CARMIL1: variants seen among roughly 807,000 people sequenced by gnomAD.
The protein encoded by CARMIL1 is F-actin-uncapping protein LRRC16A.
CARMIL1 carries 90 observed loss-of-function variants against 177.1 expected under a neutral mutation model. The observed-to-expected ratio is 0.51, with a 90% CI of 0.43 to 0.61. The LOEUF is 0.61. CARMIL1 is among the 20% of genes least tolerant of loss of function. The pLI is 0.00. For missense variants in CARMIL1, 1,380 were observed against 1,667.0 expected (o/e 0.83, Z 3.00); for synonymous variants, 577 against 606.2 (o/e 0.95, Z 0.71).
chr6:25,451,986 G>GCCACC, intron 8 of CARMIL1: 2 of 112,672 alleles, frequency 1.8e-5, no homozygotes, highest in Non-Finnish European at 3.5e-5. Flanking sequence ...CTAGCATCTT[G>GCCACC]CCCCCCCCTC....
At chr6:25,497,720 C>T (rs1803878002) in intron 16 of CARMIL1, among the ~76,000 whole-genome samples, 1 of 152,146 alleles carries the variant, frequency 6.6e-6, no homozygotes, top group African/African-American at 2.4e-5. Context: ...TAAACGAAAG[C>T]AACACAATTT....
rs947005035 is a variant in CARMIL1 at position 25,577,017 on chromosome 6, C to A, written c.2743-3907C>A. ...GTGTAAGTATTTTTTGGTGGCTCTG[C>A]GGTTTCTGGCTGTACTACTTTATAT... On this transcript the variant is annotated intron_variant, in intron 29 of 36. Coordinates refer to ENST00000329474, the MANE Select transcript of CARMIL1 (RefSeq NM_017640.6). The surrounding 1 kb of genome is among the most constrained non-coding windows in gnomAD (Gnocchi z 4.5). The A allele has an allele frequency of 1.0e-6, 1 of 985,164 alleles. No homozygotes were observed. The highest frequency in any genetic ancestry group is 1.2e-6 in the Non-Finnish European group (1 of 829,830). The allele number at this position is 985,164 out of a possible 1,614,324, so 61.0% of individuals were successfully genotyped here. A position where few individuals can be genotyped will look rare whatever the true frequency, so the allele number is the denominator to read the frequency against.
intron 23 of CARMIL1, among the ~76,000 whole-genome samples, chr6:25,521,290 G>C (rs1246526427): frequency 6.6e-6 from 1 of 152,092 alleles, no homozygotes; most frequent in Non-Finnish European, 1.5e-5. Context: ...GTTTATGAGG[G>C]GAGCAGAGTG....
intron 26 of CARMIL1, among the ~76,000 whole-genome samples, chr6:25,545,517 A>G (rs1809364043): frequency 6.6e-6 from 1 of 152,222 alleles, no homozygotes; most frequent in South Asian, 2.1e-4. Flanking sequence ...ATAACTGTCC[A>G]TAATTGATAG....
intron 8 of CARMIL1, 60 bp from the exon 9 acceptor site, chr6:25,465,813 T>C (rs1439999069): frequency 2.1e-6 from 2 of 946,016 alleles, no homozygotes; most frequent in African/African-American, 3.3e-5. Context: ...GATTAAAAAT[T>C]AAGTGTCAGT....
At chr6:25,599,168 A>C (rs1023886568) in intron 32 of CARMIL1, among the ~76,000 whole-genome samples, 2 of 152,212 alleles carry the variant, frequency 1.3e-5, no homozygotes, top group African/African-American at 2.4e-5. Flanking sequence ...TGGGCTTCAC[A>C]AAGAAGAGAA....
chr6:25,483,711 A>G (rs1189038236), intron 12 of CARMIL1, among the ~76,000 whole-genome samples: 1 of 149,198 alleles, frequency 6.7e-6, no homozygotes, highest in South Asian at 2.1e-4. Context: ...ATGGAGGTAG[A>G]TTAAAAAAAA....
intron 3 of CARMIL1, among the ~76,000 whole-genome samples, chr6:25,421,878 G>A (rs9461168): frequency 1.5e-4 from 19 of 124,198 alleles, no homozygotes; most frequent in African/African-American, 5.8e-4. Flanking sequence ...TGTGGGGTGG[G>A]GGGAGGGGGG....
intron 5 of CARMIL1, among the ~76,000 whole-genome samples, chr6:25,440,117 C>G (rs1182680414): frequency 1.1e-4 from 16 of 152,168 alleles, no homozygotes; most frequent in Non-Finnish European, 5.9e-5. Context: ...ACACTTAATC[C>G]ATTTCCAGTA....
intron 20 of CARMIL1, among the ~76,000 whole-genome samples, chr6:25,514,704 T>C (rs1805800901): frequency 6.6e-6 from 1 of 152,114 alleles, no homozygotes; most frequent in Non-Finnish European, 1.5e-5. Context: ...AGAGGATCAC[T>C]TGAGCCTGGG....
chr6:25,381,469 C>T (rs193100190), intron 2 of CARMIL1, among the ~76,000 whole-genome samples: 43 of 152,340 alleles, frequency 2.8e-4, no homozygotes, highest in Admixed American at 8.5e-4. Context: ...CTCTTCTCCA[C>T]TTTAGATGCC....
intron 2 of CARMIL1, among the ~76,000 whole-genome samples, chr6:25,349,484 A>G (rs1787888526): frequency 6.6e-6 from 1 of 152,230 alleles, no homozygotes; most frequent in Non-Finnish European, 1.5e-5. Flanking sequence ...GGGGCTACAG[A>G]CGGGTGGCCC....
intron 29 of CARMIL1, among the ~76,000 whole-genome samples, chr6:25,574,601 C>G (rs550289768): frequency 6.5e-4 from 99 of 152,326 alleles, no homozygotes; most frequent in African/African-American, 2.4e-3. Context: ...TTGGACACTT[C>G]CTGTTTGTTT....
In CARMIL1 at chr6:25,510,780, C is replaced by CAT. The variant is rs34965228; in HGVS notation, c.1632+18_1632+19insAT. On this transcript the variant is annotated intron_variant, in intron 20 of 36. Coordinates refer to ENST00000329474, the MANE Select transcript of CARMIL1 (RefSeq NM_017640.6). ...AAGAATCAGTGAGTATTATGTTAAACTTTTTACTAAAATCTTCTGTTTGTT... is the reference window on the plus strand; with the variant it reads ...AAGAATCAGTGAGTATTATGTTAAACATTTTTTACTAAAATCTTCTGTTTGTT... 0.41 allele frequency: 589,240 copies of CAT among 1,438,410 alleles called. 124,744 individuals carry two copies. Among genetic ancestry groups the CAT allele is most frequent in the Middle Eastern group, 0.53 (2,988 of 5,680 alleles). 89.1% of individuals were successfully genotyped at this position (1,438,410 alleles called of 1,614,324 possible). A position where few individuals can be genotyped will look rare whatever the true frequency, so the allele number is the denominator to read the frequency against.
chr6:25,324,066 C>A (rs1784884796), intron 2 of CARMIL1, among the ~76,000 whole-genome samples: 2 of 152,206 alleles, frequency 1.3e-5, no homozygotes, highest in Admixed American at 1.3e-4. Flanking sequence ...ATCTGGGAGC[C>A]CATGGCTCAG....
At position 25,577,863 on chromosome 6, in the gene CARMIL1, T is replaced by C. The variant is rs1183393623; in HGVS notation, c.2743-3061T>C. Among the ~76,000 whole-genome samples the C allele has an allele frequency of 2.6e-5, 4 of 152,168 alleles. No homozygotes were observed. The highest frequency in any genetic ancestry group is 2.9e-5 in the Non-Finnish European group (2 of 68,006). On this transcript the variant is annotated intron_variant, in intron 29 of 36. Transcript: ENST00000329474. This position sits in a 1 kb window ranked among gnomAD's most constrained non-coding sequence, Gnocchi z 4.5. ...AGTTGTGGCCTTTTTGTTCACAGTGTCTGCCACAATGGGGACTTATTGATG... is the reference window on the plus strand; with the variant it reads ...AGTTGTGGCCTTTTTGTTCACAGTGCCTGCCACAATGGGGACTTATTGATG...
At chr6:25,544,630 CA>C (rs1562270711) in intron 26 of CARMIL1, among the ~76,000 whole-genome samples, 1 of 151,652 alleles carries the variant, frequency 6.6e-6, no homozygotes, top group African/African-American at 2.4e-5. Context: ...CACACACACA[CA>C]CACACACACA....
At chr6:25,605,446 TA>T (rs1815857290) in intron 34 of CARMIL1, among the ~76,000 whole-genome samples, 1 of 152,252 alleles carries the variant, frequency 6.6e-6, no homozygotes, top group African/African-American at 2.4e-5. Context: ...TTGAGAGTCT[TA>T]TGCATAGCTA....
At chr6:25,291,197 T>C (rs1781935683) in intron 2 of CARMIL1, among the ~76,000 whole-genome samples, 1 of 152,206 alleles carries the variant, frequency 6.6e-6, no homozygotes. Flanking sequence ...GGAGTAACTA[T>C]AAGTTAACTT....
Sources: gnomAD v4.1 joint callset for allele counts (sites outside exome capture counted in the v4.1 genomes callset) on GRCh38, gnomAD v4.1.1 for gene constraint, Gnocchi (gnomAD v3.1) non-coding constraint, MANE v1.5 for transcripts, NCBI Gene and HGNC (gene_info 2026-07-23, HGNC 2026-07-21) for gene names.